The following ATP2C2 variants were observed in gnomAD, a reference collection of about 807,000 sequenced individuals.
The protein encoded by ATP2C2 is calcium-transporting ATPase type 2C member 2.
Under a neutral mutation model 110.8 loss-of-function variants are expected in ATP2C2, and 171 were observed. The ratio of observed to expected loss-of-function variants is 1.54; its 90% CI spans 1.36 to 1.75. The LOEUF is 1.75. Among genes scored for constraint, ATP2C2 ranks in the 40% most tolerant of loss-of-function variants. The pLI is 0.00. For synonymous variants in ATP2C2, 804 were observed against 508.4 expected (o/e 1.58, Z -7.82); for missense variants, 1,963 against 1,235.0 (o/e 1.59, Z -8.84).
rs568313591 is a variant in ATP2C2 at position 84,383,596 on chromosome 16, C to G, written c.99+14882C>G. 2.6e-5 allele frequency among the ~76,000 whole-genome samples: 4 copies of G among 152,266 alleles called. No individual in the cohort carries two copies. The South Asian group carries it at 8.3e-4, about 32-fold the overall frequency. On this transcript the variant is annotated intron_variant, in intron 1 of 26. Coordinates refer to ENST00000262429, the MANE Select transcript of ATP2C2 (RefSeq NM_014861.4). ...GAAAAGTTGTAAGAAGATGATAGCA[C>G]AAACACTATAGCACATCCTTCCTCC...
At position 84,405,146 on chromosome 16, in the gene ATP2C2, C is replaced by T. The variant is rs1434243125; in HGVS notation, c.229C>T (p.Leu77=). 1.2e-6 allele frequency: 2 copies of T among 1,613,906 alleles called. No individual in the cohort carries two copies. The highest frequency in any genetic ancestry group is 1.1e-5 in the South Asian group (1 of 91,070). ...CTTCCAGGTGGACTTACACACTGGGCTGTCGGAGTTCTCGGTGACGCAGCG... is the reference window on the plus strand; with the variant it reads ...CTTCCAGGTGGACTTACACACTGGGTTGTCGGAGTTCTCGGTGACGCAGCG... ...RAFCVDLHTG[L]SEFSVTQRRL... is the part of the protein sequence containing the mutation. Residue 77 remains leucine (L), a synonymous_variant, in exon 3 of 27, where the codon CTG becomes TTG. Coordinates refer to ENST00000262429, the MANE Select transcript of ATP2C2 (RefSeq NM_014861.4).
chr16:84,413,233 A>G (rs780386582), intron 6 of ATP2C2, among the ~76,000 whole-genome samples: 3 of 152,150 alleles, frequency 2.0e-5, no homozygotes, highest in South Asian at 2.1e-4. Flanking sequence ...GATAATTTTC[A>G]GGGAGAGCTT....
chr16:84,394,035 C>G (rs1203657392), intron 1 of ATP2C2, among the ~76,000 whole-genome samples: 1 of 150,872 alleles, frequency 6.6e-6, no homozygotes, highest in Non-Finnish European at 1.5e-5. Context: ...ATAAAAAGGC[C>G]TGGTGTGATG....
Position 84,422,266 on chromosome 16 carries a change from A to G in ATP2C2, c.625-124A>G, listed in dbSNP as rs990439394. On this transcript the variant is annotated intron_variant, in intron 7 of 26. Transcript: ENST00000262429. ...CTCAGAGGCCGTCGTTGTGACACTC[A>G]TTCTGTAGGTTCACTGTGTTCTTGA... 4.2e-6 allele frequency: 5 copies of G among 1,186,222 alleles called. No individual in the cohort carries two copies. In the South Asian group the frequency reaches 6.4e-5, roughly 15 times the overall value. 73.5% of individuals were successfully genotyped at this position (1,186,222 alleles called of 1,614,324 possible).
chr16:84,415,244 C>T (rs1906727803), intron 6 of ATP2C2, among the ~76,000 whole-genome samples: 1 of 152,114 alleles, frequency 6.6e-6, no homozygotes, highest in South Asian at 2.1e-4. Flanking sequence ...GGTTTCCAGG[C>T]AGGGTAAACA....
At chr16:84,412,819 G>A (rs1280224533) in intron 6 of ATP2C2, among the ~76,000 whole-genome samples, 1 of 152,106 alleles carries the variant, frequency 6.6e-6, no homozygotes. Context: ...TGATCAGCCG[G>A]GCGCGGTGGC....
intron 17 of ATP2C2, among the ~76,000 whole-genome samples, chr16:84,450,699 C>A (rs744242): frequency 0.22 from 32,749 of 151,934 alleles, 3,941 homozygotes; most frequent in Middle Eastern, 0.29. Context: ...CTTACACCAC[C>A]CCCTCTCAGA....
At chr16:84,461,893 G>C in intron 25 of ATP2C2, 81 bp downstream of exon 25, 1 of 1,608,164 alleles carries the variant, frequency 6.2e-7, no homozygotes. Flanking sequence ...CCGCAGCATT[G>C]AGCGGCTCTG....
At chr16:84,432,163 G>A (rs1025610699) in intron 11 of ATP2C2, among the ~76,000 whole-genome samples, 2 of 152,098 alleles carry the variant, frequency 1.3e-5, no homozygotes, top group African/African-American at 2.4e-5. Flanking sequence ...GTTTCGTTAC[G>A]TGAATAAGCT....
intron 1 of ATP2C2, among the ~76,000 whole-genome samples, chr16:84,393,414 T>G (rs890912616): frequency 6.6e-6 from 1 of 152,040 alleles, no homozygotes; most frequent in South Asian, 2.1e-4. Flanking sequence ...GTCACGAGAC[T>G]GGACTGAGGC....
intron 7 of ATP2C2, among the ~76,000 whole-genome samples, chr16:84,418,564 A>C (rs192141303): frequency 2.6e-5 from 4 of 152,312 alleles, no homozygotes; most frequent in African/African-American, 7.2e-5. Flanking sequence ...CCCTTAAGAG[A>C]CCAGCACTGT....
Position 84,408,426 on chromosome 16 carries a change from C to T in ATP2C2, c.349C>T (p.Leu117=). 6.2e-7 allele frequency: 1 copy of T among 1,613,934 alleles called. No individual in the cohort carries two copies. Among genetic ancestry groups the T allele is most frequent in the Middle Eastern group, 1.6e-4 (1 of 6,062 alleles). The change falls in exon 4 of 27, where the codon CTG becomes TTG. Residue 117 remains leucine, a synonymous_variant. Transcript: ENST00000262429. ...LDQFKNPLIL[L]LLGSALVSVL... Reference sequence around the variant, plus strand: ...TCAGTTTAAGAACCCCCTGATCCTGCTGCTGCTGGGCTCTGCCCTGGTGAG... The same window carrying T: ...TCAGTTTAAGAACCCCCTGATCCTGTTGCTGCTGGGCTCTGCCCTGGTGAG...
At chr16:84,411,341 A>C (rs1232001891) in intron 6 of ATP2C2, among the ~76,000 whole-genome samples, 1 of 152,260 alleles carries the variant, frequency 6.6e-6, no homozygotes, top group Admixed American at 6.5e-5. Context: ...GTCTGCCAGT[A>C]CCACATGGCC....
At chr16:84,435,106 A>G (rs1908622114) in intron 11 of ATP2C2, among the ~76,000 whole-genome samples, 1 of 152,226 alleles carries the variant, frequency 6.6e-6, no homozygotes, top group African/African-American at 2.4e-5. Flanking sequence ...ATTCACAACC[A>G]TTCTATTCAA....
chr16:84,404,667 A>G (rs62048832), intron 2 of ATP2C2: 5,510 of 327,706 alleles, frequency 0.017, 65 homozygotes, highest in Non-Finnish European at 0.025. Context: ...GGTTGTACAA[A>G]CATCTCTTGG....
At chr16:84,404,441 T>A (rs1233159896) in intron 2 of ATP2C2, 1 of 161,646 alleles carries the variant, frequency 6.2e-6, no homozygotes, top group Non-Finnish European at 1.4e-5. Context: ...CAACAGAATT[T>A]GTCTTTTTGT....
intron 1 of ATP2C2, among the ~76,000 whole-genome samples, chr16:84,390,058 C>G (rs982702122): frequency 2.0e-5 from 3 of 152,174 alleles, no homozygotes. Context: ...CCTGTGGACC[C>G]CGGCTGTTAT....
At position 84,415,545 on chromosome 16, in the gene ATP2C2, C is replaced by G; in HGVS notation, c.578C>G (p.Ser193Cys). ...ARELVPGDVV[S>C]LSIGDRIPAD... is the part of the protein sequence containing the mutation. Reference sequence around the variant, plus strand: ...GAACTGGTTCCTGGTGATGTCGTATCTCTCTCGATCGGAGACCGGATCCCT... The same window carrying G: ...GAACTGGTTCCTGGTGATGTCGTATGTCTCTCGATCGGAGACCGGATCCCT... The change falls in exon 7 of 27, where the codon TCT (serine) becomes TGT (cysteine). Residue 193 changes from serine to cysteine, a missense_variant. Physicochemically the swap from Ser to Cys is moderately radical, Grantham distance 112 (BLOSUM62 -1). Transcript: ENST00000262429. 1.2e-6 allele frequency: 2 copies of G among 1,614,178 alleles called. No individual in the cohort carries two copies. The highest frequency in any genetic ancestry group is 1.7e-6 in the Non-Finnish European group (2 of 1,180,028).
At chr16:84,390,842 G>T (rs992102892) in intron 1 of ATP2C2, among the ~76,000 whole-genome samples, 10 of 152,140 alleles carry the variant, frequency 6.6e-5, no homozygotes. Context: ...GGCCGGGCGC[G>T]GTGGCTCACG....
Sources: allele counts gnomAD v4.1 joint callset (sites outside exome capture counted in the v4.1 genomes callset), GRCh38; gene constraint gnomAD v4.1.1; transcripts MANE v1.5; gene names NCBI Gene and HGNC (gene_info 2026-07-23, HGNC 2026-07-21).